The following RHPN1 variants were observed in gnomAD, a reference collection of about 807,000 sequenced individuals.
The protein encoded by RHPN1 is rhophilin-1.
In RHPN1, 77 loss-of-function variants were observed where a neutral mutation model predicts 74.7. The observed-to-expected ratio is 1.03, with a 90% confidence interval of 0.86 to 1.25. The LOEUF (loss-of-function observed/expected upper bound fraction) is 1.25, where lower values mean the gene tolerates loss of function less well. RHPN1 is among the 50% of genes most tolerant of loss of function. The probability of loss-of-function intolerance (pLI) is 0.00; values close to 1 mark genes in which losing one functional copy is unlikely to be tolerated. For missense variants in RHPN1, 987 were observed against 932.2 expected, an observed-to-expected ratio of 1.06 and a Z score of -0.77; for synonymous variants, 444 against 414.5, an observed-to-expected ratio of 1.07 and a Z score of -0.87.
rs747496731 is a variant in RHPN1 at position 143,375,591 on chromosome 8, G to T, written c.99G>T (p.Leu33=). ...DSLTQIQCGQ[L]QSRRAQIHQQ... is the part of the protein sequence containing the mutation. The stretch of plus-strand genomic sequence containing the variant: ...TGACGCAGATCCAGTGCGGCCAGCT[G>T]CAGAGCCGCAGGGCCCAGATTCACC... The change falls in exon 2 of 15, where the codon CTG becomes CTT. Residue 33 remains leucine (L), a synonymous_variant. Coordinates refer to ENST00000289013, the MANE Select transcript of RHPN1 (RefSeq NM_052924.3). The T allele has an allele frequency of 1.1e-5, 17 of 1,606,408 alleles. No individual in the cohort carries two copies. The highest frequency in any genetic ancestry group is 1.4e-5 in the Non-Finnish European group (16 of 1,177,648).
chr8:143,376,711 G>C, intron 3 of RHPN1, 58 bp downstream of exon 3: 1 of 1,505,338 alleles, frequency 6.6e-7, no homozygotes. Flanking sequence ...GTGCGTGTGT[G>C]TGTGCATGTG....
In RHPN1 at chr8:143,382,569, G is replaced by A. The variant is rs1236827852; in HGVS notation, c.1931G>A (p.Gly644Asp). Residue 644 changes from glycine to aspartate, a missense_variant, in exon 15 of 15, where the codon GGC becomes GAC. Transcript: ENST00000289013. ...AACTGGAGCCGAAAGGCCCAGCAGG[G>A]CAAGACTGGAGGCTGCCCCCAGCCC... ...LLNWSRKAQQ[G>D]KTGGCPQPCA... is the part of the protein sequence containing the mutation. The A allele has an allele frequency of 3.1e-6, 5 of 1,611,580 alleles. No homozygotes were observed. Among genetic ancestry groups the A allele is most frequent in the Non-Finnish European group, 4.2e-6 (5 of 1,179,708 alleles).
intron 2 of RHPN1, 39 bp downstream of exon 2, chr8:143,375,707 C>A: frequency 6.7e-7 from 1 of 1,494,516 alleles, no homozygotes; most frequent in Non-Finnish European, 9.2e-7. Flanking sequence ...GAGCAGGGCC[C>A]ACCTGGGTGA....
intron 13 of RHPN1, 41 bp from the exon 14 acceptor site, chr8:143,381,766 G>A (rs777081083): frequency 3.1e-6 from 5 of 1,605,986 alleles, no homozygotes; most frequent in African/African-American, 2.7e-5. Context: ...GTGCCAGCCA[G>A]GGTGTCCTGT....
At position 143,382,851 on chromosome 8, in the gene RHPN1, C is replaced by T; in HGVS notation, c.*200C>T. The T allele has an allele frequency of 1.7e-6, 1 of 591,558 alleles. No homozygotes were observed. Among genetic ancestry groups the T allele is most frequent in the South Asian group, 2.1e-5 (1 of 48,456 alleles). 36.6% of individuals were successfully genotyped at this position (591,558 alleles called of 1,614,324 possible). A position where few individuals can be genotyped will look rare whatever the true frequency, so the allele number is the denominator to read the frequency against. On this transcript the variant is annotated 3_prime_UTR_variant, in exon 15 of 15. Coordinates refer to ENST00000289013, the MANE Select transcript of RHPN1 (RefSeq NM_052924.3). The stretch of plus-strand genomic sequence containing the variant: ...GAGCTGTGGCCTCTTCACCCACACA[C>T]AGAAGGATGCCAGTCCCTCTGTCGG...
At chr8:143,366,989 C>T (rs1817568364), upstream of RHPN1, 1 of 152,286 alleles carries the variant, frequency 6.6e-6, no homozygotes, top group African/African-American at 2.4e-5. Flanking sequence ...GGCCCATGCT[C>T]AGGCCCACAG....
rs1311497042 is a variant in RHPN1 at position 143,375,631 on chromosome 8, G to A, written c.139G>A (p.Glu47Lys). Residue 47 changes from glutamate to lysine, a missense_variant, in exon 2 of 15, where the codon GAG (glutamate) becomes AAG (lysine). Glu to Lys is a moderately conservative substitution (Grantham distance 56). Transcript: ENST00000289013. ...RAQIHQQIDK[E>K]LQMRTGAENL... ...CCAGATTCACCAGCAGATTGACAAG[G>A]AGCTGCAGATGCGGACGGGCGCTGA... The A allele has an allele frequency of 6.2e-7, 1 of 1,608,856 alleles. No homozygotes were observed. Among genetic ancestry groups the A allele is most frequent in the South Asian group, 1.1e-5 (1 of 90,456 alleles).
Position 143,379,312 on chromosome 8 carries a change from C to A in RHPN1, c.752-3C>A, listed in dbSNP as rs1220679291. 3 of 1,581,776 alleles carry A rather than the reference C, an allele frequency of 1.9e-6. No individual in the cohort carries two copies. In the African/African-American group the frequency reaches 4.0e-5, roughly 21 times the overall value. On this transcript the variant is annotated splice_region_variant and splice_polypyrimidine_tract_variant and intron_variant, in intron 7 of 14. Coordinates refer to ENST00000289013, the MANE Select transcript of RHPN1 (RefSeq NM_052924.3). Reference sequence around the variant, plus strand: ...GCCTGTGTGAGCACCCCTCCCTCCGCAGGGGCCTTCAGCCTCCTGAGGGAG... The same window carrying A: ...GCCTGTGTGAGCACCCCTCCCTCCGAAGGGGCCTTCAGCCTCCTGAGGGAG...
upstream of RHPN1, chr8:143,368,791 A>G (rs1232168097): frequency 5.9e-6 from 2 of 338,370 alleles, no homozygotes; most frequent in East Asian, 4.6e-5. Flanking sequence ...GGCAATGGCC[A>G]GCTTCGCACG....
upstream of RHPN1, chr8:143,367,011 A>G (rs1203606359): frequency 6.6e-6 from 1 of 152,358 alleles, no homozygotes; most frequent in Admixed American, 6.5e-5. Context: ...TAAGATGGCC[A>G]GGAGCCCCTA....
chr8:143,377,052 CTGTGTGTGCGCG>C (rs1563794626), intron 3 of RHPN1, among the ~76,000 whole-genome samples: 3 of 45,788 alleles, frequency 6.6e-5, no homozygotes, highest in Non-Finnish European at 2.6e-4. Flanking sequence ...CTGTGTGTGT[CTGTGTGTGCGCG>C]TGTGTGTGTC....
At position 143,379,436 on chromosome 8, in the gene RHPN1, C is replaced by T. The variant is rs1412856101; in HGVS notation, c.873C>T (p.Gly291=). The T allele has an allele frequency of 6.3e-7, 1 of 1,576,178 alleles. No individual in the cohort carries two copies. Among genetic ancestry groups the T allele is most frequent in the South Asian group, 1.2e-5 (1 of 86,138 alleles). Residue 291 remains glycine (G), a synonymous_variant, in exon 8 of 15, where the codon GGC becomes GGT. Transcript: ENST00000289013. ...AGGCCCAGGAATGTGTGTTTGAGGG[C>T]CTCTCACCACCTGCCTCCATGGCCC... ...MAQAQECVFE[G]LSPPASMAPQ... is the part of the protein sequence containing the mutation.
chr8:143,371,161 A>G (rs565237952), intron 1 of RHPN1, among the ~76,000 whole-genome samples: 14 of 152,270 alleles, frequency 9.2e-5, no homozygotes, highest in Admixed American at 3.9e-4. Context: ...TGGCCAGTCT[A>G]TGATTCCTCT....
Position 143,368,928 on chromosome 8 carries a change from G to A in RHPN1, c.-60G>A. The stretch of plus-strand genomic sequence containing the variant: ...CGGGCGGCCCTAGCCCGGCTGCGGA[G>A]CGCTGCGCGAGCGGCGGGCTGGCTG... On this transcript the variant is annotated 5_prime_UTR_variant, in exon 1 of 15. Coordinates refer to ENST00000289013, the MANE Select transcript of RHPN1 (RefSeq NM_052924.3). The A allele has an allele frequency of 1.5e-6, 2 of 1,357,164 alleles. No individual in the cohort carries two copies. Among genetic ancestry groups the A allele is most frequent in the Non-Finnish European group, 1.9e-6 (2 of 1,040,426 alleles). 84.1% of individuals were successfully genotyped at this position (1,357,164 alleles called of 1,614,324 possible).
At chr8:143,364,901 G>A (rs932920670), upstream of RHPN1, among the ~76,000 whole-genome samples, 14 of 152,246 alleles carry the variant, frequency 9.2e-5, no homozygotes, top group Middle Eastern at 3.4e-3. This position sits in a 1 kb window ranked among gnomAD's most constrained non-coding sequence, Gnocchi z 4.5. Flanking sequence ...TGATGAAGGC[G>A]TCCTGCTCGC....
intron 3 of RHPN1, among the ~76,000 whole-genome samples, chr8:143,377,140 T>TTG (rs140462652): frequency 4.1e-4 from 61 of 150,302 alleles, no homozygotes; most frequent in Admixed American, 2.0e-3. Flanking sequence ...ACGCATGTGT[T>TTG]TGTGTGTGTG....
chr8:143,370,891 G>A (rs903895653), intron 1 of RHPN1, among the ~76,000 whole-genome samples: 1 of 152,218 alleles, frequency 6.6e-6, no homozygotes, highest in African/African-American at 2.4e-5. Flanking sequence ...TGGGAGAAGG[G>A]GGAGCAGGCT....
In RHPN1 at chr8:143,379,005, G is replaced by A; in HGVS notation, c.678G>A (p.Gln226=). The A allele has an allele frequency of 1.3e-6, 2 of 1,551,110 alleles. No individual in the cohort carries two copies. Among genetic ancestry groups the A allele is most frequent in the Non-Finnish European group, 1.7e-6 (2 of 1,147,648 alleles). The change falls in exon 7 of 15, where the codon CAG becomes CAA. Residue 226 remains glutamine (Q), a synonymous_variant. Coordinates refer to ENST00000289013, the MANE Select transcript of RHPN1 (RefSeq NM_052924.3). ...TCAACATCGGTGCCCTCCACACGCA[G>A]ATTGGGGCGCGCCAGGACCGCTCCT... The part of the protein sequence containing the change: ...VLFNIGALHT[Q]IGARQDRSCT...
intron 14 of RHPN1, 106 bp downstream of exon 14, chr8:143,382,074 T>G: frequency 8.5e-7 from 1 of 1,181,188 alleles, no homozygotes; most frequent in Non-Finnish European, 1.2e-6. Flanking sequence ...GAGGTGGGGC[T>G]GCAGGTAACC....
Sources: allele counts gnomAD v4.1 joint callset (sites outside exome capture counted in the v4.1 genomes callset), GRCh38; gene constraint gnomAD v4.1.1; non-coding constraint Gnocchi (gnomAD v3.1); transcripts MANE v1.5; gene names NCBI Gene and HGNC (gene_info 2026-07-23, HGNC 2026-07-21).